The following COMMD10 variants were observed in gnomAD, a reference collection of about 807,000 sequenced individuals.
COMMD10 encodes COMM domain containing 10, also known as COMM domain-containing protein 10.
COMMD10 carries 33 observed loss-of-function variants against 28.9 expected under a neutral mutation model. The observed-to-expected ratio is 1.14, with a 90% CI of 0.87 to 1.53. The LOEUF (loss-of-function observed/expected upper bound fraction) is 1.53. COMMD10 is among the 40% of genes most tolerant of loss of function. The probability of loss-of-function intolerance (pLI) is 0.00; values close to 1 mark genes in which losing one functional copy is unlikely to be tolerated. For missense variants in COMMD10, 310 were observed against 233.4 expected (o/e 1.33, Z -2.14); for synonymous variants, 110 against 81.7 (o/e 1.35, Z -1.87).
chr5:116,120,693 T>G (rs1279640164), intron 4 of COMMD10, among the ~76,000 whole-genome samples: 1 of 152,082 alleles, frequency 6.6e-6, no homozygotes, highest in African/African-American at 2.4e-5. Context: ...TGTGTCTGGC[T>G]TCATACACTG....
chr5:116,236,299 T>A (rs1749659209), intron 5 of COMMD10, among the ~76,000 whole-genome samples: 1 of 150,468 alleles, frequency 6.6e-6, no homozygotes, highest in Admixed American at 6.6e-5. Flanking sequence ...AGCACAGGAG[T>A]TCAAGACCAA....
chr5:116,191,443 CTCTTG>C (rs1748368907), intron 5 of COMMD10, among the ~76,000 whole-genome samples: 1 of 151,684 alleles, frequency 6.6e-6, no homozygotes, highest in African/African-American at 2.4e-5. Flanking sequence ...AGACTTGGGG[CTCTTG>C]TGGGGCTCGG....
At chr5:116,241,296 T>C (rs944173442) in intron 5 of COMMD10, among the ~76,000 whole-genome samples, 2 of 152,150 alleles carry the variant, frequency 1.3e-5, no homozygotes, top group Non-Finnish European at 2.9e-5. Context: ...AAACTGAAGG[T>C]AGAGGATTAG....
chr5:116,186,316 C>T (rs1748137227), intron 5 of COMMD10, among the ~76,000 whole-genome samples: 1 of 152,144 alleles, frequency 6.6e-6, no homozygotes, highest in Admixed American at 6.6e-5. Context: ...CATTTCCGCA[C>T]TTAACAGCTT....
At chr5:116,277,618 A>G (rs904284655) in intron 5 of COMMD10, among the ~76,000 whole-genome samples, 1 of 151,900 alleles carries the variant, frequency 6.6e-6, no homozygotes, top group Non-Finnish European at 1.5e-5. Context: ...TGATAAACTC[A>G]CTGCCCTTCA....
intron 4 of COMMD10, among the ~76,000 whole-genome samples, chr5:116,119,105 G>A (rs1221456207): frequency 6.6e-6 from 1 of 152,076 alleles, no homozygotes; most frequent in Non-Finnish European, 1.5e-5. Flanking sequence ...GTATGCAGAG[G>A]TGACAAACAA....
chr5:116,134,206 T>A (rs1213965655), intron 5 of COMMD10, 28 bp downstream of exon 5: 2 of 1,323,636 alleles, frequency 1.5e-6, no homozygotes, highest in Non-Finnish European at 2.2e-6. Flanking sequence ...ATTAAAAGGA[T>A]GTATTTTGTT....
chr5:116,230,270 G>A (rs540560430), intron 5 of COMMD10, among the ~76,000 whole-genome samples: 1 of 152,100 alleles, frequency 6.6e-6, no homozygotes, highest in South Asian at 2.1e-4. Context: ...TGGTAATGGT[G>A]TAGTAGCATC....
chr5:116,171,432 G>C (rs1383399366), intron 5 of COMMD10, among the ~76,000 whole-genome samples: 1 of 152,120 alleles, frequency 6.6e-6, no homozygotes, highest in African/African-American at 2.4e-5. Context: ...ATTCCTCAGG[G>C]ATCTAGAACC....
chr5:116,256,802 A>C (rs1344652832), intron 5 of COMMD10, among the ~76,000 whole-genome samples: 1 of 151,794 alleles, frequency 6.6e-6, no homozygotes, highest in African/African-American at 2.4e-5. Flanking sequence ...AAGTTTGCAT[A>C]CATTGAATCA....
chr5:116,255,780 A>G (rs890765691), intron 5 of COMMD10: 1 of 151,248 alleles, frequency 6.6e-6, no homozygotes, highest in Non-Finnish European at 1.5e-5. Flanking sequence ...GATACAACCC[A>G]TGAGTGCTTA....
chr5:116,130,253 A>C (rs1751821622), intron 4 of COMMD10, among the ~76,000 whole-genome samples: 1 of 151,948 alleles, frequency 6.6e-6, no homozygotes, highest in Non-Finnish European at 1.5e-5. Context: ...CACTGATAAA[A>C]AGGGCAAAAT....
chr5:116,253,827 G>A (rs1750196886), intron 5 of COMMD10, among the ~76,000 whole-genome samples: 1 of 148,024 alleles, frequency 6.8e-6, no homozygotes, highest in South Asian at 2.1e-4. Flanking sequence ...GAGTTAGGGA[G>A]GATTCCCTCT....
intron 5 of COMMD10, among the ~76,000 whole-genome samples, chr5:116,151,445 T>G (rs1189275170): frequency 3.9e-5 from 6 of 152,166 alleles, no homozygotes; most frequent in Admixed American, 2.6e-4. Context: ...TACCAGTTCC[T>G]CCTCGTACCT....
intron 5 of COMMD10, among the ~76,000 whole-genome samples, chr5:116,261,926 G>A (rs537322351): frequency 6.6e-5 from 10 of 151,480 alleles, no homozygotes; most frequent in Non-Finnish European, 1.5e-4. Context: ...AATTTTTCTT[G>A]AGCACTTACT....
chr5:116,092,840 T>C (rs1750345015), intron 4 of COMMD10, 140 bp downstream of exon 4: 1 of 513,476 alleles, frequency 1.9e-6, no homozygotes, highest in Non-Finnish European at 3.3e-6. Context: ...CAACTTACAA[T>C]GGCCTTACAT....
intron 4 of COMMD10, among the ~76,000 whole-genome samples, chr5:116,121,667 C>T (rs536384997): frequency 7.2e-5 from 11 of 152,128 alleles, no homozygotes; most frequent in African/African-American, 2.4e-4. Flanking sequence ...TTTTAATGAT[C>T]GCCATTCTAA....
intron 5 of COMMD10, among the ~76,000 whole-genome samples, chr5:116,173,777 G>A (rs1399959634): frequency 1.3e-5 from 2 of 151,468 alleles, no homozygotes; most frequent in Admixed American, 6.6e-5. Context: ...AAAGCATTGG[G>A]TATCACCTTC....
chr5:116,292,307 A>T, intron 6 of COMMD10, 144 bp from the exon 7 acceptor site: 1 of 439,650 alleles, frequency 2.3e-6, no homozygotes, highest in Non-Finnish European at 4.0e-6. Flanking sequence ...TCTAAGTGGT[A>T]ATTTTATTGC....
Sources: allele counts gnomAD v4.1 joint callset (sites outside exome capture counted in the v4.1 genomes callset), GRCh38; gene constraint gnomAD v4.1.1; transcripts MANE v1.5; gene names NCBI Gene and HGNC (gene_info 2026-07-23, HGNC 2026-07-21).